The following DNAJA3 variants were observed in gnomAD, a reference collection of about 807,000 sequenced individuals.
DNAJA3 encodes dnaJ homolog subfamily A member 3, mitochondrial.
Under a neutral mutation model 54.9 loss-of-function variants are expected in DNAJA3, and 29 were observed. That is an observed-to-expected ratio of 0.53 (90% CI 0.39 to 0.72). DNAJA3 has a LOEUF of 0.72. Ranked by LOEUF, DNAJA3 falls within the 30% of genes least tolerant of loss-of-function variation. The pLI, the probability that DNAJA3 is intolerant of heterozygous loss-of-function variation, is 0.00. For missense variants in DNAJA3, 708 were observed against 639.4 expected (o/e 1.11, Z -1.16); for synonymous variants, 302 against 251.4 (o/e 1.20, Z -1.90).
chr16:4,450,279 T>A, intron 9 of DNAJA3, 121 bp from the exon 10 acceptor site: 1 of 712,176 alleles, frequency 1.4e-6, no homozygotes, highest in Non-Finnish European at 2.3e-6. Context: ...GCTCAGGGTG[T>A]CCGCCCCTGC....
intron 10 of DNAJA3, among the ~76,000 whole-genome samples, chr16:4,450,727 C>T (rs2056968052): frequency 1.3e-5 from 2 of 152,220 alleles, no homozygotes; most frequent in African/African-American, 2.4e-5. Context: ...GAGGTGAGAG[C>T]ACCAGGGCAC....
rs150567625 is a variant in DNAJA3 at position 4,452,129 on chromosome 16, A to G, written c.1339+1632A>G. Among the ~76,000 whole-genome samples the G allele has an allele frequency of 4.2e-3, 645 of 152,108 alleles. 3 individuals carry two copies. The highest frequency in any genetic ancestry group is 0.015 in the African/African-American group (617 of 41,510). On this transcript the variant is annotated intron_variant, in intron 10 of 11. Transcript: ENST00000262375. Reference sequence around the variant, plus strand: ...ACTCTGTAGCCCAACCAGGTTCCAAATGTCACTTATTTTAATGGTTTGGTA... The same window carrying G: ...ACTCTGTAGCCCAACCAGGTTCCAAGTGTCACTTATTTTAATGGTTTGGTA...
At chr16:4,442,630 CG>C (rs1027778439) in intron 5 of DNAJA3, 1 of 562,796 alleles carries the variant, frequency 1.8e-6, no homozygotes, top group Non-Finnish European at 3.0e-6. Context: ...ACAGCAGCTC[CG>C]GGGGCGGGGC....
At chr16:4,439,997 A>G (rs528271420) in intron 3 of DNAJA3, among the ~76,000 whole-genome samples, 5 of 152,160 alleles carry the variant, frequency 3.3e-5, no homozygotes, top group East Asian at 3.9e-4. Context: ...CAATGGTGCA[A>G]TCACGGTTCA....
At chr16:4,440,229 A>G (rs1487070896) in intron 3 of DNAJA3, 1 of 151,962 alleles carries the variant, frequency 6.6e-6, no homozygotes, top group Admixed American at 6.6e-5. Context: ...GTGAGCCACC[A>G]TACTCAGCCT....
chr16:4,455,682 A>G lies in DNAJA3; in HGVS notation c.*150A>G. 8.3e-7 allele frequency: 1 copy of G among 1,201,812 alleles called. No homozygotes were observed. Among genetic ancestry groups the G allele is most frequent in the Non-Finnish European group, 1.2e-6 (1 of 833,820 alleles). The allele number at this position is 1,201,812 out of a possible 1,614,324, so 74.4% of individuals were successfully genotyped here. A position where few individuals can be genotyped will look rare whatever the true frequency, so the allele number is the denominator to read the frequency against. On this transcript the variant is annotated 3_prime_UTR_variant, in exon 12 of 12. Transcript: ENST00000262375. ...CCTCTGGACGGCCTTGGCAACAGCA[A>G]AATCATGGGACAACACCTCTCTCCA...
In DNAJA3 at chr16:4,426,677, G is replaced by A. The variant is rs114747806; in HGVS notation, c.211+585G>A. On this transcript the variant is annotated intron_variant, in intron 1 of 11. Transcript: ENST00000262375. ...ATCTTTTTAGAAGTCTTTAGTTGGT[G>A]ATTGTAATAATAACACAGTCAGACA... Among the ~76,000 whole-genome samples the A allele has an allele frequency of 2.8e-3, 428 of 152,350 alleles. 6 individuals carry two copies. Among genetic ancestry groups the A allele is most frequent in the African/African-American group, 9.8e-3 (408 of 41,580 alleles).
chr16:4,438,663 G>A (rs1195773024), intron 3 of DNAJA3, among the ~76,000 whole-genome samples: 3 of 112,814 alleles, frequency 2.7e-5, no homozygotes, highest in African/African-American at 1.0e-4. Context: ...TTGCTTAAGA[G>A]ACAGGGTCCC....
intron 3 of DNAJA3, chr16:4,441,106 A>T: frequency 1.9e-6 from 1 of 527,574 alleles, no homozygotes; most frequent in East Asian, 3.1e-5. Context: ...TCAAGCGAGG[A>T]TCAACACAAA....
At chr16:4,435,841 G>C (rs2056766634) in intron 2 of DNAJA3, among the ~76,000 whole-genome samples, 1 of 152,170 alleles carries the variant, frequency 6.6e-6, no homozygotes, top group Admixed American at 6.5e-5. Context: ...GGATATTTAG[G>C]AGTATAGTTG....
At chr16:4,427,561 A>G (rs1256958378) in intron 1 of DNAJA3, among the ~76,000 whole-genome samples, 2 of 152,230 alleles carry the variant, frequency 1.3e-5, no homozygotes, top group African/African-American at 4.8e-5. Flanking sequence ...AAATTCATTC[A>G]TTCACAGGTG....
intron 7 of DNAJA3, among the ~76,000 whole-genome samples, chr16:4,445,286 G>A (rs1344030406): frequency 3.9e-5 from 6 of 152,322 alleles, no homozygotes; most frequent in East Asian, 3.9e-4. Flanking sequence ...CAGGGCAGTC[G>A]GAAGGAAAGA....
intron 3 of DNAJA3, among the ~76,000 whole-genome samples, chr16:4,439,238 G>A (rs2056810614): frequency 6.6e-6 from 1 of 151,854 alleles, no homozygotes; most frequent in South Asian, 2.1e-4. Flanking sequence ...GTGGGTGCCT[G>A]TAATCCCAGC....
At chr16:4,438,243 G>A (rs1320601758) in intron 3 of DNAJA3, among the ~76,000 whole-genome samples, 1 of 152,196 alleles carries the variant, frequency 6.6e-6, no homozygotes, top group Non-Finnish European at 1.5e-5. Flanking sequence ...CGTGAACCCG[G>A]GAGGCGGAGC....
chr16:4,450,552 G>T, intron 10 of DNAJA3, 55 bp downstream of exon 10: 3 of 1,363,172 alleles, frequency 2.2e-6, no homozygotes, highest in Non-Finnish European at 3.1e-6. Flanking sequence ...GCCCCCCAGG[G>T]TATGGACAAT....
Sources: gnomAD v4.1 joint callset for allele counts (sites outside exome capture counted in the v4.1 genomes callset) on GRCh38, gnomAD v4.1.1 for gene constraint, MANE v1.5 for transcripts, NCBI Gene and HGNC (gene_info 2026-07-23, HGNC 2026-07-21) for gene names.